Variants in ALG1 observed in about 807,000 individuals in gnomAD.
The protein encoded by ALG1 is ALG1 chitobiosyldiphosphodolichol beta-mannosyltransferase.
ALG1 carries 58 observed loss-of-function variants against 55.1 expected under a neutral mutation model. That is an observed-to-expected ratio of 1.05 (90% confidence interval 0.85 to 1.31). The LOEUF (loss-of-function observed/expected upper bound fraction) is 1.31. Among genes scored for constraint, ALG1 ranks in the 50% most tolerant of loss-of-function variants. The pLI is 0.00. For synonymous variants in ALG1, 309 were observed against 247.0 expected, an observed-to-expected ratio of 1.25 and a Z score of -2.35; for missense variants, 761 against 598.6, an observed-to-expected ratio of 1.27 and a Z score of -2.83.
rs1342491406 is a variant in ALG1 at position 5,075,386 on chromosome 16, A to G, written c.391-2A>G. On this transcript the variant is annotated splice_acceptor_variant, in intron 3 of 12. Transcript: ENST00000262374. LOFTEE classifies it high-confidence loss of function. ...TCCCCTTCAAGTCTCTATCTTTCCT[A>G]GAACCCCCCAGGTCTGCCTAGCATT... is the stretch of plus-strand genomic sequence containing the variant. 6.2e-7 allele frequency: 1 copy of G among 1,613,934 alleles called. No individual in the cohort carries two copies. The highest frequency in any genetic ancestry group is 8.5e-7 in the Non-Finnish European group (1 of 1,180,014).
chr16:5,079,950 T>C lies in ALG1; in HGVS notation c.961+143T>C. The C allele has an allele frequency of 4.5e-6, 5 of 1,113,232 alleles. No homozygotes were observed. The South Asian group carries it at 6.9e-5, about 15-fold the overall frequency. 69.0% of individuals were successfully genotyped at this position (1,113,232 alleles called of 1,614,324 possible). A position where few individuals can be genotyped will look rare whatever the true frequency, so the allele number is the denominator to read the frequency against. ...CCATAGGGTCTTATACTGCTTGACA[T>C]GGGGGAAACTGAGGCTCAGAGGCAG... On this transcript the variant is annotated intron_variant, in intron 9 of 12. Coordinates refer to ENST00000262374, the MANE Select transcript of ALG1 (RefSeq NM_019109.5).
intron 6 of ALG1, 53 bp downstream of exon 6, chr16:5,078,070 T>G (rs1286150526): frequency 5.1e-6 from 8 of 1,577,444 alleles, no homozygotes; most frequent in Non-Finnish European, 6.0e-6. Context: ...TGCCCTGGCC[T>G]CTCCCCTTCT....
chr16:5,085,986 C>A lies in ALG1; in HGVS notation c.*1105C>A, dbSNP rs947406796. ...CACTCTCTGCCTGTGTCTGCCCCAGCACTTGGCACAGCGGGACAGAAGCAG... is the reference window on the plus strand; with the variant it reads ...CACTCTCTGCCTGTGTCTGCCCCAGAACTTGGCACAGCGGGACAGAAGCAG... On this transcript the variant is annotated 3_prime_UTR_variant, in exon 13 of 13. Transcript: ENST00000262374. Among the ~76,000 whole-genome samples the A allele has an allele frequency of 9.9e-5, 15 of 152,190 alleles. No homozygotes were observed. Among genetic ancestry groups the A allele is most frequent in the Non-Finnish European group, 2.1e-4 (14 of 68,040 alleles).
chr16:5,073,012 A>G lies in ALG1; in HGVS notation c.270A>G (p.Glu90=). 1 of 1,614,220 alleles carries G rather than the reference A, an allele frequency of 6.2e-7. No homozygotes were observed. The highest frequency in any genetic ancestry group is 8.5e-7 in the Non-Finnish European group (1 of 1,180,030). Residue 90 remains glutamate (E), a synonymous_variant, in exon 2 of 13, where the codon GAA becomes GAG. Coordinates refer to ENST00000262374, the MANE Select transcript of ALG1 (RefSeq NM_019109.5). ...NNRIQIVGLT[E]LQSLAVGPRV... ...GAATTCAGATTGTGGGGTTGACAGA[A>G]CTTCAGAGTCTTGCAGGTAGGATGC...
At position 5,071,999 on chromosome 16, in the gene ALG1, G is replaced by A. The variant is rs144380244; in HGVS notation, c.150G>A (p.Gln50=). ...ACGTGGGCCGCAGCCCCCGTATGCA[G>A]TACCACGCGCTGTCGTTGGCCATGC... ...LGDVGRSPRM[Q]YHALSLAMHG... The change falls in exon 1 of 13, where the codon CAG becomes CAA. Residue 50 remains glutamine, a synonymous_variant. Transcript: ENST00000262374. 80 of 1,598,074 alleles carry A rather than the reference G, an allele frequency of 5.0e-5. No homozygotes were observed. The highest frequency in any genetic ancestry group is 1.9e-4 in the Admixed American group (11 of 57,982).
chr16:5,085,784 T>A lies in ALG1; in HGVS notation c.*903T>A, dbSNP rs1957141163. On this transcript the variant is annotated 3_prime_UTR_variant, in exon 13 of 13. Coordinates refer to ENST00000262374, the MANE Select transcript of ALG1 (RefSeq NM_019109.5). ...GATGGCGGTGTTTGGGGACAGGACATGAGGGTATTGTGTGGGGCTGCTAGG... is the reference window on the plus strand; with the variant it reads ...GATGGCGGTGTTTGGGGACAGGACAAGAGGGTATTGTGTGGGGCTGCTAGG... 7.2e-7 allele frequency: 1 copy of A among 1,382,244 alleles called. No homozygotes were observed. Among genetic ancestry groups the A allele is most frequent in the East Asian group, 2.3e-5 (1 of 43,678 alleles). 85.6% of individuals were successfully genotyped at this position (1,382,244 alleles called of 1,614,324 possible). A position where few individuals can be genotyped will look rare whatever the true frequency, so the allele number is the denominator to read the frequency against.
intron 9 of ALG1, among the ~76,000 whole-genome samples, 184 bp downstream of exon 9, chr16:5,079,991 T>A (rs564597471): frequency 1.3e-5 from 2 of 152,050 alleles, no homozygotes; most frequent in Non-Finnish European, 2.9e-5. Context: ...GGAGCCCAGA[T>A]TTGAATCTGT....
rs12922304 is a variant in ALG1, at chr16:5,086,319, G to A, written c.*1438G>A. Among the ~76,000 whole-genome samples, 141,534 of 146,160 alleles carry A rather than the reference G, an allele frequency of 0.97. 68,737 individuals are homozygous for A. The highest frequency in any genetic ancestry group is 1 in the Middle Eastern group (290 of 290). On this transcript the variant is annotated 3_prime_UTR_variant, in exon 13 of 13. Coordinates refer to ENST00000262374, the MANE Select transcript of ALG1 (RefSeq NM_019109.5). ...CACTGCACTCCAGCCTGAGTGACAG[G>A]GTGAGACTAAGTCTCAAAAAAAAAA...
intron 10 of ALG1, 40 bp downstream of exon 10, chr16:5,081,096 AACAGGGTGGGCGGG>A: frequency 2.0e-6 from 3 of 1,536,592 alleles, no homozygotes; most frequent in Non-Finnish European, 1.8e-6. Context: ...AGGCGGGGGG[AACAGGGTGGGCGGG>A]ATGTACTTTT....
chr16:5,078,749 T>G lies in ALG1; in HGVS notation c.741-8T>G, dbSNP rs1190885838. The G allele has an allele frequency of 1.2e-6, 2 of 1,612,620 alleles. No individual in the cohort carries two copies. Among genetic ancestry groups the G allele is most frequent in the Non-Finnish European group, 1.7e-6 (2 of 1,179,784 alleles). ...GGCCTCTCACAGGCTTTTTTTCTGC[T>G]CCTTCAGCTCAGAACCTGAGGACCC... On this transcript the variant is annotated splice_polypyrimidine_tract_variant and splice_region_variant and intron_variant, in intron 6 of 12. Transcript: ENST00000262374.
At position 5,072,428 on chromosome 16, in the gene ALG1, G is replaced by T. The variant is rs942719540; in HGVS notation, c.208+371G>T. ...TTCATTCCTCATCCCTCAACGCAGA[G>T]CTCTGCAGACAGATGTTTTCATTTG... is the stretch of plus-strand genomic sequence containing the variant. On this transcript the variant is annotated intron_variant, in intron 1 of 12. Transcript: ENST00000262374. 6.3e-6 allele frequency: 3 copies of T among 473,010 alleles called. No homozygotes were observed. The East Asian group carries it at 1.5e-4, about 24-fold the overall frequency. The allele number at this position is 473,010 out of a possible 1,614,324, so 29.3% of individuals were successfully genotyped here. A position where few individuals can be genotyped will look rare whatever the true frequency, so the allele number is the denominator to read the frequency against.
Position 5,085,154 on chromosome 16 carries a change from C to T in ALG1, c.*273C>T, listed in dbSNP as rs1957111213. The stretch of plus-strand genomic sequence containing the variant: ...AGCGTATTACTGTTCTGTGACTTCC[C>T]TGTGACCTCTGCAGAACTCCTCATC... On this transcript the variant is annotated 3_prime_UTR_variant, in exon 13 of 13. Coordinates refer to ENST00000262374, the MANE Select transcript of ALG1 (RefSeq NM_019109.5). 1.6e-6 allele frequency: 1 copy of T among 612,152 alleles called. No individual in the cohort carries two copies. The allele number at this position is 612,152 out of a possible 1,614,324, so 37.9% of individuals were successfully genotyped here. A position where few individuals can be genotyped will look rare whatever the true frequency, so the allele number is the denominator to read the frequency against.
intron 1 of ALG1, 87 bp from the exon 2 acceptor site, chr16:5,072,864 C>G: frequency 8.1e-7 from 1 of 1,233,932 alleles, no homozygotes; most frequent in East Asian, 2.3e-5. Context: ...TTCCAAAACA[C>G]TGTCCGTGAT....
rs889550402 is a variant in ALG1, at chr16:5,075,507, C to CA, written c.512dup (p.Asn171LysfsTer36). ...CCATCATGGGTCTGGTGCATGGCCCCAACCATCCCCTCGTTCTGCTGGCCA... is the reference window on the plus strand; with the variant it reads ...CCATCATGGGTCTGGTGCATGGCCCCAAACCATCCCCTCGTTCTGCTGGCCA... On this transcript the variant is annotated frameshift_variant, in exon 4 of 13. Coordinates refer to ENST00000262374, the MANE Select transcript of ALG1 (RefSeq NM_019109.5). LOFTEE classifies it high-confidence loss of function. 2 of 1,614,040 alleles carry CA rather than the reference C, an allele frequency of 1.2e-6. No homozygotes were observed. Among genetic ancestry groups the CA allele is most frequent in the African/African-American group, 2.7e-5 (2 of 74,916 alleles).
chr16:5,080,910 A>G (rs779049676), intron 9 of ALG1, 36 bp from the exon 10 acceptor site: 2 of 1,593,510 alleles, frequency 1.3e-6, no homozygotes, highest in South Asian at 1.1e-5. Flanking sequence ...AGGGACAGAG[A>G]TGGGTCCATG....
chr16:5,076,592 G>A (rs1223220899), intron 4 of ALG1, among the ~76,000 whole-genome samples: 1 of 152,192 alleles, frequency 6.6e-6, no homozygotes, highest in African/African-American at 2.4e-5. Context: ...TACCCTGGCG[G>A]TGATAAATAA....
At chr16:5,082,705 A>G (rs1455319719) in intron 11 of ALG1, 32 bp downstream of exon 11, 3 of 1,608,444 alleles carry the variant, frequency 1.9e-6, no homozygotes, top group Non-Finnish European at 2.5e-6. Flanking sequence ...TTCTGGGGAT[A>G]GCTTTGCAGA....
At chr16:5,074,969 C>T (rs1435938542) in intron 3 of ALG1, among the ~76,000 whole-genome samples, 2 of 152,162 alleles carry the variant, frequency 1.3e-5, no homozygotes, top group Non-Finnish European at 2.9e-5. Flanking sequence ...GTGGCACAAT[C>T]ATAGCTTAAC....
rs374928784 is a variant in ALG1, at chr16:5,082,674, G to A, written c.1187+1G>A. The A allele has an allele frequency of 1.9e-6, 3 of 1,611,290 alleles. No homozygotes were observed. Among genetic ancestry groups the A allele is most frequent in the South Asian group, 1.1e-5 (1 of 90,992 alleles). ...CTGTGTGTGCTGTGAACTTCAAGTG[G>A]TAGGAGCAGAACCCAAATCCTTCTG... On this transcript the variant is annotated splice_donor_variant, in intron 11 of 12. Transcript: ENST00000262374. LOFTEE classifies it high-confidence loss of function.
Sources: gnomAD v4.1 joint callset for allele counts (sites outside exome capture counted in the v4.1 genomes callset) on GRCh38, gnomAD v4.1.1 for gene constraint, MANE v1.5 for transcripts, NCBI Gene and HGNC (gene_info 2026-07-23, HGNC 2026-07-21) for gene names.